The following TCF4 variants were observed in gnomAD, a reference collection of about 807,000 sequenced individuals.
TCF4 encodes SL3-3 enhancer factor 2.
Under a neutral mutation model 82.1 loss-of-function variants are expected in TCF4, and 3 were observed. The observed-to-expected ratio is 0.04, with a 90% confidence interval of 0.02 to 0.09. The LOEUF is 0.09. TCF4 is among the 10% of genes least tolerant of loss of function. TCF4 has a pLI of 1.00. For missense variants in TCF4, 518 were observed against 852.7 expected (o/e 0.61, Z 4.89); for synonymous variants, 276 against 309.6 (o/e 0.89, Z 1.14).
intron 11 of TCF4, chr18:55,264,964 A>G (rs1156870900): frequency 6.6e-6 from 1 of 152,168 alleles, no homozygotes; most frequent in Non-Finnish European, 1.5e-5. Flanking sequence ...TGGCTTGAAC[A>G]CAGGTGGTGT....
intron 15 of TCF4, among the ~76,000 whole-genome samples, chr18:55,251,931 T>TTG (rs572562282): frequency 2.1e-4 from 12 of 58,158 alleles, no homozygotes; most frequent in African/African-American, 7.3e-4. Flanking sequence ...GGGGATGAGG[T>TTG]TTTTTTTTTT....
chr18:55,370,494 T>C (rs1212231623), intron 6 of TCF4, among the ~76,000 whole-genome samples: 4 of 151,910 alleles, frequency 2.6e-5, no homozygotes, highest in Admixed American at 6.6e-5. Flanking sequence ...TATAGACAGA[T>C]AGATGTAACA....
chr18:55,434,940 C>T (rs1825064379), intron 5 of TCF4, among the ~76,000 whole-genome samples: 1 of 151,998 alleles, frequency 6.6e-6, no homozygotes, highest in African/African-American at 2.4e-5. Context: ...ACAAACAATA[C>T]AATTATACTC....
intron 6 of TCF4, among the ~76,000 whole-genome samples, chr18:55,373,667 A>C (rs1336404236): frequency 6.6e-6 from 1 of 151,770 alleles, no homozygotes; most frequent in Non-Finnish European, 1.5e-5. Flanking sequence ...AACAAAATGT[A>C]GCCAGGTTGG....
At chr18:55,513,670 A>C (rs2096851617) in intron 3 of TCF4, among the ~76,000 whole-genome samples, 1 of 152,178 alleles carries the variant, frequency 6.6e-6, no homozygotes, top group Admixed American at 6.5e-5. Flanking sequence ...AAAACGCAAT[A>C]ACCTTTAATG....
intron 8 of TCF4, among the ~76,000 whole-genome samples, chr18:55,345,555 T>G (rs2081004290): frequency 6.6e-6 from 1 of 152,164 alleles, no homozygotes; most frequent in Admixed American, 6.6e-5. Flanking sequence ...TATTCCAATA[T>G]CTTTAATTAG....
intron 6 of TCF4, among the ~76,000 whole-genome samples, chr18:55,371,735 C>T (rs990747873): frequency 9.9e-5 from 15 of 152,146 alleles, no homozygotes; most frequent in African/African-American, 3.4e-4. Context: ...CCAGGTTCCT[C>T]TGCACCTAGC....
intron 3 of TCF4, among the ~76,000 whole-genome samples, chr18:55,478,313 G>A (rs181390219): frequency 1.1e-4 from 17 of 152,304 alleles, no homozygotes; most frequent in Non-Finnish European, 2.4e-4. Flanking sequence ...TGGGAAAATA[G>A]CCACTAAGCC....
chr18:55,404,030 C>G, intron 5 of TCF4: 1 of 1,181,448 alleles, frequency 8.5e-7, no homozygotes, highest in South Asian at 2.5e-5. Flanking sequence ...ACTCCCTTTC[C>G]CAGGAGTGAA....
chr18:55,310,889 A>G (rs1202030137), intron 8 of TCF4, among the ~76,000 whole-genome samples: 1 of 152,210 alleles, frequency 6.6e-6, no homozygotes, highest in Non-Finnish European at 1.5e-5. Flanking sequence ...AGACAAACCA[A>G]TAGTTACACT....
intron 3 of TCF4, among the ~76,000 whole-genome samples, chr18:55,500,303 G>A (rs1384123823): frequency 2.6e-5 from 4 of 152,294 alleles, no homozygotes; most frequent in East Asian, 1.9e-4. Flanking sequence ...ATGTTTAGAC[G>A]AGTAATCTTA....
chr18:55,585,390 A>G, intron 2 of TCF4, 38 bp from the exon 3 acceptor site: 1 of 1,560,292 alleles, frequency 6.4e-7, no homozygotes, highest in Non-Finnish European at 8.8e-7. Flanking sequence ...TGAAAAGAAG[A>G]CACTTGTGCC....
chr18:55,293,477 T>C (rs2065608903), intron 8 of TCF4, among the ~76,000 whole-genome samples: 1 of 152,134 alleles, frequency 6.6e-6, no homozygotes, highest in Admixed American at 6.5e-5. Flanking sequence ...CCAAAATGTC[T>C]TAAGAGAGCC....
At chr18:55,229,199 A>G in intron 17 of TCF4, 123 bp from the exon 18 acceptor site, 1 of 1,032,730 alleles carries the variant, frequency 9.7e-7, no homozygotes, top group Non-Finnish European at 1.5e-6. Context: ...TTTTTGGCAG[A>G]ATTTTTATAT....
chr18:55,419,859 G>C (rs368365245), intron 5 of TCF4, among the ~76,000 whole-genome samples: 5 of 152,156 alleles, frequency 3.3e-5, no homozygotes, highest in African/African-American at 7.2e-5. Flanking sequence ...CACTGGCTTC[G>C]CTGCCCACAA....
intron 6 of TCF4, among the ~76,000 whole-genome samples, chr18:55,374,245 A>G (rs1370764670): frequency 1.3e-5 from 2 of 152,114 alleles, no homozygotes; most frequent in East Asian, 3.8e-4. Flanking sequence ...AAAGCTAGAA[A>G]AAGTGCAACA....
intron 13 of TCF4, among the ~76,000 whole-genome samples, chr18:55,258,021 T>TA (rs1051778838): frequency 5.9e-5 from 9 of 151,926 alleles, no homozygotes; most frequent in Admixed American, 5.9e-4. Flanking sequence ...ACCTACAAAA[T>TA]AAAAAACACT....
In TCF4 at chr18:55,440,531, G is replaced by A. The variant is rs986109412; in HGVS notation, c.304+20488C>T. Among the ~76,000 whole-genome samples the A allele has an allele frequency of 1.1e-4, 16 of 152,254 alleles. No individual in the cohort carries two copies. The East Asian group carries it at 3.1e-3, about 29-fold the overall frequency. ...TGAAAATTTCATTTATTTTTTAGCAGTGTCTCCATCGTCCGTCAATACATT... is the reference window on the plus strand; with the variant it reads ...TGAAAATTTCATTTATTTTTTAGCAATGTCTCCATCGTCCGTCAATACATT... On this transcript the variant is annotated intron_variant, in intron 5 of 19. Transcript: ENST00000354452.
chr18:55,223,452 T>C lies in TCF4; in HGVS notation c.*4583A>G, dbSNP rs1183973299. On this transcript the variant is annotated 3_prime_UTR_variant, in exon 20 of 20. Transcript: ENST00000354452. ...GAAATGAAACAAGTGTCAGAAACAG[T>C]TTATAAAAATGGCACATTTATTGCT... 6.6e-6 allele frequency: 1 copy of C among 152,546 alleles called. No homozygotes were observed. Among genetic ancestry groups the C allele is most frequent in the Non-Finnish European group, 1.5e-5 (1 of 68,012 alleles). 9.4% of individuals were successfully genotyped at this position (152,546 alleles called of 1,614,324 possible).
Sources: allele counts gnomAD v4.1 joint callset (sites outside exome capture counted in the v4.1 genomes callset), GRCh38; gene constraint gnomAD v4.1.1; transcripts MANE v1.5; gene names NCBI Gene and HGNC (gene_info 2026-07-23, HGNC 2026-07-21).